The following SPSB4 variants were observed in gnomAD, a reference collection of about 807,000 sequenced individuals.
The protein encoded by SPSB4 is splA/ryanodine receptor domain and SOCS box containing 4.
Under a neutral mutation model 20.9 loss-of-function variants are expected in SPSB4, and 21 were observed. The observed-to-expected ratio is 1.01, with a 90% CI of 0.71 to 1.45. SPSB4 has a LOEUF of 1.45. Among genes scored for constraint, SPSB4 ranks in the 40% most tolerant of loss-of-function variants. The probability of loss-of-function intolerance (pLI) is 0.00; values close to 1 mark genes in which losing one functional copy is unlikely to be tolerated. For missense variants in SPSB4, 399 were observed against 399.2 expected (o/e 1.00, Z 0.00); for synonymous variants, 207 against 183.8 (o/e 1.13, Z -1.02).
chr3:141,068,707 G>A (rs1428976939), intron 2 of SPSB4, among the ~76,000 whole-genome samples: 1 of 152,212 alleles, frequency 6.6e-6, no homozygotes. Flanking sequence ...TTTAAGGCCT[G>A]ACGTTGACAC....
chr3:141,134,705 C>T (rs1298572748), intron 2 of SPSB4, among the ~76,000 whole-genome samples: 1 of 151,922 alleles, frequency 6.6e-6, no homozygotes, highest in East Asian at 1.9e-4. Context: ...TGATATGCTG[C>T]CGAATTCAGT....
At chr3:141,111,316 A>G (rs568579690) in intron 2 of SPSB4, among the ~76,000 whole-genome samples, 1 of 145,642 alleles carries the variant, frequency 6.9e-6, no homozygotes, top group East Asian at 2.0e-4. Context: ...TATACCATAC[A>G]TAGCATATGC....
chr3:141,131,658 G>A lies in SPSB4; in HGVS notation c.695-15484G>A, dbSNP rs1385686167. Among the ~76,000 whole-genome samples the A allele has an allele frequency of 3.3e-5, 5 of 152,258 alleles. No individual in the cohort carries two copies. The South Asian group carries it at 8.3e-4, about 25-fold the overall frequency. On this transcript the variant is annotated intron_variant, in intron 2 of 2. Coordinates refer to ENST00000310546, the MANE Select transcript of SPSB4 (RefSeq NM_080862.3). ...TTCCTCCATGCTTTTACATATAATT[G>A]TGGTTCCTTCATTCTCGTGGCTGAT...
chr3:141,078,256 C>A (rs1026379263), intron 2 of SPSB4, among the ~76,000 whole-genome samples: 7 of 152,222 alleles, frequency 4.6e-5, no homozygotes, highest in Non-Finnish European at 8.8e-5. Context: ...AGACACAGAT[C>A]TCTGCTGTCT....
At chr3:141,097,278 AC>A (rs10716790) in intron 2 of SPSB4, among the ~76,000 whole-genome samples, 6,753 of 152,168 alleles carry the variant, frequency 0.044, 504 homozygotes, top group African/African-American at 0.15. Flanking sequence ...TCCTGCTCTT[AC>A]CTAGACTGAG....
chr3:141,095,106 A>AG (rs1938524365), intron 2 of SPSB4, among the ~76,000 whole-genome samples: 1 of 151,928 alleles, frequency 6.6e-6, no homozygotes, highest in South Asian at 2.1e-4. Flanking sequence ...TTTGAGTTAG[A>AG]GGTGGGGAAG....
At chr3:141,092,009 T>C (rs1258514453) in intron 2 of SPSB4, among the ~76,000 whole-genome samples, 1 of 152,166 alleles carries the variant, frequency 6.6e-6, no homozygotes, top group Non-Finnish European at 1.5e-5. Context: ...CAGTGTAACA[T>C]GGAACACAGC....
rs56836958 is a variant in SPSB4 at position 141,135,338 on chromosome 3, T to TTTATTATTATTATTATTATTA, written c.695-11799_695-11779dup. Among the ~76,000 whole-genome samples the TTTATTATTATTATTATTATTA allele has an allele frequency of 1.4e-3, 204 of 148,846 alleles. 1 individual carries two copies. Among genetic ancestry groups the TTTATTATTATTATTATTATTA allele is most frequent in the African/African-American group, 3.6e-3 (144 of 40,462 alleles). ...CATTTGGGTCACTTCCAGTTTTTCTTTTATTATTATTATTATTATTATTAT... is the reference window on the plus strand; with the variant it reads ...CATTTGGGTCACTTCCAGTTTTTCTTTTATTATTATTATTATTATTATTATTATTATTATTATTATTATTAT... On this transcript the variant is annotated intron_variant, in intron 2 of 2. Transcript: ENST00000310546.
chr3:141,103,974 A>G (rs550432659), intron 2 of SPSB4, among the ~76,000 whole-genome samples: 1 of 152,338 alleles, frequency 6.6e-6, no homozygotes, highest in East Asian at 1.9e-4. Context: ...TCGTCACTTA[A>G]AAGGACCATT....
chr3:141,090,437 G>A (rs1033965331), intron 2 of SPSB4, among the ~76,000 whole-genome samples: 1 of 152,200 alleles, frequency 6.6e-6, no homozygotes, highest in African/African-American at 2.4e-5. Flanking sequence ...TGTGTTGGAG[G>A]AGGCTGGGGC....
At chr3:141,109,106 C>T (rs1251444153) in intron 2 of SPSB4, among the ~76,000 whole-genome samples, 1 of 152,174 alleles carries the variant, frequency 6.6e-6, no homozygotes, top group Non-Finnish European at 1.5e-5. Flanking sequence ...TTTATTAAAA[C>T]ATGACAGTGA....
At chr3:141,073,773 A>G (rs950345210) in intron 2 of SPSB4, among the ~76,000 whole-genome samples, 1 of 152,162 alleles carries the variant, frequency 6.6e-6, no homozygotes, top group African/African-American at 2.4e-5. Flanking sequence ...GGGGCTGGCT[A>G]TGAGCTGCCC....
intron 2 of SPSB4, among the ~76,000 whole-genome samples, chr3:141,114,510 A>G (rs1938855446): frequency 6.6e-6 from 1 of 152,208 alleles, no homozygotes. Flanking sequence ...GTGAAGTAAC[A>G]TGGGAAAATG....
intron 2 of SPSB4, among the ~76,000 whole-genome samples, chr3:141,107,356 G>A (rs763797314): frequency 1.3e-5 from 2 of 152,138 alleles, no homozygotes; most frequent in African/African-American, 4.8e-5. Flanking sequence ...TCACTGGAAA[G>A]GTGTGTTCAT....
At chr3:141,122,627 G>C (rs1162959951) in intron 2 of SPSB4, among the ~76,000 whole-genome samples, 1 of 152,150 alleles carries the variant, frequency 6.6e-6, no homozygotes, top group Non-Finnish European at 1.5e-5. Flanking sequence ...GCATAAAACC[G>C]CCTACTCAAG....
chr3:141,119,584 T>G (rs1385099292), intron 2 of SPSB4, among the ~76,000 whole-genome samples: 1 of 152,220 alleles, frequency 6.6e-6, no homozygotes, highest in East Asian at 1.9e-4. Flanking sequence ...TCAAAGGGAA[T>G]GCTTCCAGTT....
chr3:141,117,966 G>A (rs145096744), intron 2 of SPSB4, among the ~76,000 whole-genome samples: 102 of 152,272 alleles, frequency 6.7e-4, no homozygotes, highest in South Asian at 2.5e-3. Flanking sequence ...ATAAACATAC[G>A]TGTGCATGTG....
chr3:141,108,067 G>A (rs1938727501), intron 2 of SPSB4, among the ~76,000 whole-genome samples: 1 of 152,132 alleles, frequency 6.6e-6, no homozygotes, highest in South Asian at 2.1e-4. Flanking sequence ...AGTGGGCAGG[G>A]CCTTAGGGAC....
intron 2 of SPSB4, among the ~76,000 whole-genome samples, chr3:141,142,321 T>C (rs761636865): frequency 1.3e-5 from 2 of 152,218 alleles, no homozygotes. Context: ...CAAGAGCAGA[T>C]TATTTAATTT....
Sources: allele counts gnomAD v4.1 joint callset (sites outside exome capture counted in the v4.1 genomes callset), GRCh38; gene constraint gnomAD v4.1.1; transcripts MANE v1.5; gene names NCBI Gene and HGNC (gene_info 2026-07-23, HGNC 2026-07-21).